CPA6: variants seen among roughly 807,000 people sequenced by gnomAD.
The protein encoded by CPA6 is carboxypeptidase B.
In CPA6, 58 loss-of-function variants were observed where a neutral mutation model predicts 63.3. The observed-to-expected ratio is 0.92, with a 90% confidence interval of 0.74 to 1.14. CPA6 has a LOEUF of 1.14. CPA6 is among the 50% of genes most tolerant of loss of function. CPA6 has a pLI of 0.00. For missense variants in CPA6, 565 were observed against 526.6 expected (o/e 1.07, Z -0.71); for synonymous variants, 185 against 179.0 (o/e 1.03, Z -0.27).
At chr8:67,458,382 G>C (rs1810726546) in intron 8 of CPA6, among the ~76,000 whole-genome samples, 1 of 152,130 alleles carries the variant, frequency 6.6e-6, no homozygotes, top group Non-Finnish European at 1.5e-5. Flanking sequence ...ATTTTTAGTA[G>C]AGATGGGGTT....
chr8:67,475,831 C>CTTT (rs1409641877), intron 8 of CPA6, among the ~76,000 whole-genome samples: 1 of 50,390 alleles, frequency 2.0e-5, no homozygotes, highest in Non-Finnish European at 3.5e-5. Context: ...TCTTTTCTTT[C>CTTT]TTTCTTTCTT....
At chr8:67,620,623 C>T (rs979417622) in intron 2 of CPA6, among the ~76,000 whole-genome samples, 1 of 152,174 alleles carries the variant, frequency 6.6e-6, no homozygotes, top group Non-Finnish European at 1.5e-5. Flanking sequence ...TTTTTCTCTG[C>T]AGGCTGCTTT....
chr8:67,519,897 T>G (rs1812225082), intron 2 of CPA6, among the ~76,000 whole-genome samples: 1 of 152,248 alleles, frequency 6.6e-6, no homozygotes, highest in South Asian at 2.1e-4. Context: ...TAATCCCTTC[T>G]ATTGCAGCAT....
chr8:67,445,662 G>T (rs1268476595), intron 8 of CPA6, among the ~76,000 whole-genome samples: 1 of 152,092 alleles, frequency 6.6e-6, no homozygotes, highest in African/African-American at 2.4e-5. Flanking sequence ...AAATAACTTA[G>T]TGTCTACATG....
At chr8:67,624,531 C>T (rs1002655545) in intron 1 of CPA6, among the ~76,000 whole-genome samples, 28 of 152,244 alleles carry the variant, frequency 1.8e-4, no homozygotes, top group African/African-American at 6.5e-4. Context: ...AGAGTGGCAA[C>T]GAGGGACAGG....
intron 1 of CPA6, among the ~76,000 whole-genome samples, chr8:67,665,299 T>G (rs1816202415): frequency 6.6e-6 from 1 of 152,230 alleles, no homozygotes; most frequent in Non-Finnish European, 1.5e-5. Context: ...AATAATGATC[T>G]TTAGGACCTT....
At chr8:67,562,896 G>A (rs1564001836) in intron 2 of CPA6, among the ~76,000 whole-genome samples, 3 of 152,090 alleles carry the variant, frequency 2.0e-5, no homozygotes, top group Non-Finnish European at 4.4e-5. Flanking sequence ...CAGCCCCAAT[G>A]GACTAAGACA....
chr8:67,698,118 C>T (rs1270336376), intron 1 of CPA6, among the ~76,000 whole-genome samples: 1 of 151,964 alleles, frequency 6.6e-6, no homozygotes, highest in Non-Finnish European at 1.5e-5. Flanking sequence ...CTCAAAGAGC[C>T]CAAAGCATTA....
chr8:67,620,367 C>A (rs749944041), intron 2 of CPA6, among the ~76,000 whole-genome samples: 13 of 152,200 alleles, frequency 8.5e-5, no homozygotes, highest in Non-Finnish European at 1.6e-4. Context: ...ACAGGCCCCT[C>A]CTCATCCTCA....
chr8:67,592,673 G>C (rs372588586), intron 2 of CPA6, among the ~76,000 whole-genome samples: 1 of 151,970 alleles, frequency 6.6e-6, no homozygotes, highest in African/African-American at 2.4e-5. Flanking sequence ...GTTTATTTGC[G>C]TAGAGGTGTT....
chr8:67,712,614 A>G (rs1817285853), intron 1 of CPA6, among the ~76,000 whole-genome samples: 1 of 152,188 alleles, frequency 6.6e-6, no homozygotes, highest in South Asian at 2.1e-4. Context: ...GATGGGGCCC[A>G]CATGTGGGGA....
At position 67,682,001 on chromosome 8, in the gene CPA6, A is replaced by G. The variant is rs77428658; in HGVS notation, c.117-57750T>C. ...ATCTATAGATCAATAATTCAGGGGG[A>G]AAAAACCTGTTACTTTGTTTCTCTG... is the stretch of plus-strand genomic sequence containing the variant. On this transcript the variant is annotated intron_variant, in intron 1 of 10. Coordinates refer to ENST00000297770, the MANE Select transcript of CPA6 (RefSeq NM_020361.5). Among the ~76,000 whole-genome samples, 251 of 152,178 alleles carry G rather than the reference A, an allele frequency of 1.6e-3. 2 individuals carry two copies. The highest frequency in any genetic ancestry group is 6.6e-3 in the East Asian group (34 of 5,188).
chr8:67,434,005 G>T, intron 9 of CPA6, 33 bp downstream of exon 9: 1 of 1,486,906 alleles, frequency 6.7e-7, no homozygotes, highest in Non-Finnish European at 9.4e-7. Context: ...GCAGCATGAA[G>T]CCTGATGTAC....
intron 1 of CPA6, among the ~76,000 whole-genome samples, chr8:67,642,378 T>C (rs897311741): frequency 3.3e-5 from 5 of 152,036 alleles, no homozygotes; most frequent in Admixed American, 2.6e-4. Context: ...AGACACACCA[T>C]ATTCACATAT....
intron 8 of CPA6, among the ~76,000 whole-genome samples, chr8:67,447,701 T>C (rs1810461648): frequency 6.6e-6 from 1 of 152,228 alleles, no homozygotes; most frequent in Non-Finnish European, 1.5e-5. Context: ...CCATCTCTCC[T>C]TCATCCCTAC....
chr8:67,723,705 C>T (rs10216497), intron 1 of CPA6, among the ~76,000 whole-genome samples: 21,007 of 151,930 alleles, frequency 0.14, 1,636 homozygotes, highest in African/African-American at 0.19. Context: ...CTGTAAATGG[C>T]CCTCTAGGAT....
chr8:67,427,512 G>C (rs1187379994), intron 10 of CPA6, among the ~76,000 whole-genome samples: 1 of 152,144 alleles, frequency 6.6e-6, no homozygotes, highest in African/African-American at 2.4e-5. Context: ...TGAAAGATGG[G>C]AGATGAGGGG....
chr8:67,498,114 G>A (rs1380617380), intron 6 of CPA6, among the ~76,000 whole-genome samples: 2 of 152,056 alleles, frequency 1.3e-5, no homozygotes, highest in Admixed American at 6.5e-5. Context: ...ATCTGTTCAC[G>A]TTTGCAGAAA....
At chr8:67,662,894 A>G (rs1816148719) in intron 1 of CPA6, among the ~76,000 whole-genome samples, 1 of 152,154 alleles carries the variant, frequency 6.6e-6, no homozygotes, top group African/African-American at 2.4e-5. Flanking sequence ...AACAACCTCA[A>G]TTAGAGCTGA....
Sources: gnomAD v4.1 joint callset for allele counts (sites outside exome capture counted in the v4.1 genomes callset) on GRCh38, gnomAD v4.1.1 for gene constraint, MANE v1.5 for transcripts, NCBI Gene and HGNC (gene_info 2026-07-23, HGNC 2026-07-21) for gene names.